The following TDRD5 variants were observed in gnomAD, a reference collection of about 807,000 sequenced individuals.
TDRD5 encodes tudor domain-containing protein 5.
TDRD5 carries 41 observed loss-of-function variants against 120.6 expected under a neutral mutation model. That is an observed-to-expected ratio of 0.34 (90% CI 0.26 to 0.44). TDRD5 has a LOEUF of 0.44. Among genes scored for constraint, TDRD5 ranks in the 20% least tolerant of loss-of-function variants. The probability of loss-of-function intolerance (pLI) is 1.00; values close to 1 mark genes in which losing one functional copy is unlikely to be tolerated. For synonymous variants in TDRD5, 430 were observed against 433.7 expected (o/e 0.99, Z 0.11); for missense variants, 1,006 against 1,221.2 (o/e 0.82, Z 2.63).
chr1:179,625,860 T>C (rs1002618705), intron 6 of TDRD5, among the ~76,000 whole-genome samples: 2 of 152,296 alleles, frequency 1.3e-5, no homozygotes, highest in Admixed American at 1.3e-4. Flanking sequence ...GTGGCACATA[T>C]ACACCATGGA....
At chr1:179,689,701 T>G (rs77243238) in intron 17 of TDRD5, among the ~76,000 whole-genome samples, 1 of 152,248 alleles carries the variant, frequency 6.6e-6, no homozygotes, top group African/African-American at 2.4e-5. Flanking sequence ...TGGGCTCCAC[T>G]CAATTCGAGC....
chr1:179,594,137 CTAT>C (rs1180443307), intron 3 of TDRD5, among the ~76,000 whole-genome samples: 2 of 152,214 alleles, frequency 1.3e-5, no homozygotes, highest in East Asian at 1.9e-4. Context: ...TAAGTGGTAG[CTAT>C]TATTATTTTA....
chr1:179,595,169 C>T (rs552639354), intron 3 of TDRD5, among the ~76,000 whole-genome samples: 5 of 151,998 alleles, frequency 3.3e-5, no homozygotes, highest in Admixed American at 1.3e-4. Flanking sequence ...CAGTGGTATT[C>T]CCCCTTCCTA....
chr1:179,651,357 G>A (rs946668755), intron 12 of TDRD5, among the ~76,000 whole-genome samples: 1 of 152,130 alleles, frequency 6.6e-6, no homozygotes, highest in Non-Finnish European at 1.5e-5. Context: ...CCAGCTACTT[G>A]GGAGGCTGAG....
At chr1:179,596,788 T>G (rs921713713) in intron 4 of TDRD5, among the ~76,000 whole-genome samples, 2 of 152,230 alleles carry the variant, frequency 1.3e-5, no homozygotes, top group Non-Finnish European at 2.9e-5. Flanking sequence ...TGCATACATC[T>G]TGTATGGCCA....
intron 6 of TDRD5, among the ~76,000 whole-genome samples, chr1:179,628,124 G>A (rs1245351408): frequency 6.6e-6 from 1 of 151,990 alleles, no homozygotes; most frequent in Non-Finnish European, 1.5e-5. Flanking sequence ...ATGCTAATTT[G>A]CAGGAAATAA....
chr1:179,593,875 T>C lies in TDRD5; in HGVS notation c.640+8T>C, dbSNP rs1407443522. ...CGAGAGGATGTCCAGCAGGTACGCA[T>C]GTGAGCAAATGTTGGAGCAGTCATG... On this transcript the variant is annotated splice_region_variant and intron_variant, in intron 3 of 17. Coordinates refer to ENST00000444136, the MANE Select transcript of TDRD5 (RefSeq NM_001199085.3). The C allele has an allele frequency of 1.9e-6, 3 of 1,607,928 alleles. No homozygotes were observed. The South Asian group carries it at 3.3e-5, about 18-fold the overall frequency.
chr1:179,643,691 C>T (rs1240350531), intron 11 of TDRD5, among the ~76,000 whole-genome samples: 1 of 151,934 alleles, frequency 6.6e-6, no homozygotes, highest in African/African-American at 2.4e-5. Flanking sequence ...TGGACAGAGA[C>T]TTAAGGAAGT....
At chr1:179,656,123 C>T (rs1678995282) in intron 14 of TDRD5, among the ~76,000 whole-genome samples, 1 of 152,170 alleles carries the variant, frequency 6.6e-6, no homozygotes, top group African/African-American at 2.4e-5. Flanking sequence ...AGTAATTTTG[C>T]TTTAGCCATT....
intron 17 of TDRD5, among the ~76,000 whole-genome samples, chr1:179,673,318 G>A (rs373305651): frequency 5.3e-5 from 8 of 152,226 alleles, no homozygotes; most frequent in African/African-American, 1.9e-4. Flanking sequence ...TCACGTCTTG[G>A]TTAGCTATAT....
intron 17 of TDRD5, among the ~76,000 whole-genome samples, chr1:179,674,470 T>C (rs1310724309): frequency 6.6e-6 from 1 of 152,174 alleles, no homozygotes; most frequent in Non-Finnish European, 1.5e-5. Context: ...TTTTTGCATC[T>C]GTGTTCATCA....
At chr1:179,661,047 AT>A (rs1261697703) in intron 14 of TDRD5, among the ~76,000 whole-genome samples, 1 of 152,108 alleles carries the variant, frequency 6.6e-6, no homozygotes, top group African/African-American at 2.4e-5. Flanking sequence ...ATCCACAGTA[AT>A]TGAAATTGTT....
chr1:179,625,252 A>G (rs949793104), intron 6 of TDRD5, among the ~76,000 whole-genome samples: 1 of 152,178 alleles, frequency 6.6e-6, no homozygotes, highest in Non-Finnish European at 1.5e-5. Flanking sequence ...ATTAAAATAT[A>G]TTAATGACCT....
At chr1:179,644,483 A>C (rs890113710) in intron 11 of TDRD5, among the ~76,000 whole-genome samples, 1 of 152,156 alleles carries the variant, frequency 6.6e-6, no homozygotes, top group Non-Finnish European at 1.5e-5. Flanking sequence ...GTTTATATGT[A>C]ATACTCATTT....
chr1:179,689,772 C>G (rs534657249), intron 17 of TDRD5, among the ~76,000 whole-genome samples: 1 of 152,356 alleles, frequency 6.6e-6, no homozygotes, highest in East Asian at 1.9e-4. Context: ...CTCCCCCAGC[C>G]TCACTGCCAC....
chr1:179,618,592 T>C lies in TDRD5; in HGVS notation c.832-7T>C. On this transcript the variant is annotated splice_polypyrimidine_tract_variant and splice_region_variant and intron_variant, in intron 4 of 17. Coordinates refer to ENST00000444136, the MANE Select transcript of TDRD5 (RefSeq NM_001199085.3). ...TGTGACTTGACTTTTTTTTTCTTTTTTCATAGCTGGAGAACACATTCAAAT... is the reference window on the plus strand; with the variant it reads ...TGTGACTTGACTTTTTTTTTCTTTTCTCATAGCTGGAGAACACATTCAAAT... The C allele has an allele frequency of 6.3e-7, 1 of 1,578,694 alleles. No homozygotes were observed.
intron 17 of TDRD5, among the ~76,000 whole-genome samples, chr1:179,689,201 T>TTGA (rs1680957109): frequency 6.6e-6 from 1 of 152,226 alleles, no homozygotes; most frequent in African/African-American, 2.4e-5. Context: ...CCTTTGGTCT[T>TTGA]TGATGATGGT....
At chr1:179,611,218 T>TACCATAC (rs1676259450) in intron 4 of TDRD5, among the ~76,000 whole-genome samples, 1 of 151,996 alleles carries the variant, frequency 6.6e-6, no homozygotes, top group South Asian at 2.1e-4. Flanking sequence ...ACTTGGCTAA[T>TACCATAC]TTTGGTATTT....
At chr1:179,671,953 T>TGTGG (rs1558422041) in intron 17 of TDRD5, among the ~76,000 whole-genome samples, 1 of 71,216 alleles carries the variant, frequency 1.4e-5, no homozygotes, top group Non-Finnish European at 2.8e-5. Flanking sequence ...TTCCATGGTG[T>TGTGG]GTGTGTGTGT....
Sources: gnomAD v4.1 joint callset for allele counts (sites outside exome capture counted in the v4.1 genomes callset) on GRCh38, gnomAD v4.1.1 for gene constraint, MANE v1.5 for transcripts, NCBI Gene and HGNC (gene_info 2026-07-23, HGNC 2026-07-21) for gene names.